The following GABARAPL1 variants were observed in gnomAD, a reference collection of about 807,000 sequenced individuals.
GABARAPL1 encodes GABA type A receptor associated protein like 1, also known as gamma-aminobutyric acid receptor-associated protein-like 1.
GABARAPL1 carries 4 observed loss-of-function variants against 14.5 expected under a neutral mutation model. The observed-to-expected ratio is 0.28, with a 90% CI of 0.14 to 0.63. The LOEUF is 0.63. Among genes scored for constraint, GABARAPL1 ranks in the 30% least tolerant of loss-of-function variants. The pLI, the probability that GABARAPL1 is intolerant of heterozygous loss-of-function variation, is 0.84. For missense variants in GABARAPL1, 82 were observed against 139.2 expected (o/e 0.59, Z 2.07); for synonymous variants, 47 against 50.6 (o/e 0.93, Z 0.30).
chr12:10,218,173 C>T (rs762565419), intron 2 of GABARAPL1, 32 bp downstream of exon 2: 7 of 1,307,858 alleles, frequency 5.4e-6, no homozygotes, highest in Non-Finnish European at 1.1e-6. Flanking sequence ...GACCCTTCCT[C>T]CGGTGAAAAA....
chr12:10,214,121 G>A (rs1643252218), intron 1 of GABARAPL1: 2 of 236,980 alleles, frequency 8.4e-6, no homozygotes, highest in African/African-American at 2.3e-5. Context: ...GTGGTAGGGG[G>A]ACCAGCAGCT....
intron 1 of GABARAPL1, chr12:10,213,792 G>T (rs769124234): frequency 1.8e-5 from 8 of 454,968 alleles, no homozygotes; most frequent in Non-Finnish European, 3.1e-5. Context: ...TGGAAAACAA[G>T]GTCACGTTCT....
chr12:10,221,928 A>G lies in GABARAPL1; in HGVS notation c.*76A>G. 1.5e-6 allele frequency: 2 copies of G among 1,355,448 alleles called. No individual in the cohort carries two copies. The highest frequency in any genetic ancestry group is 2.1e-6 in the Non-Finnish European group (2 of 949,990). The allele number at this position is 1,355,448 out of a possible 1,614,324, so 84.0% of individuals were successfully genotyped here. ...GGGTGTGTGTGCGCGACATGGGGAA[A>G]GAGGGTGGCTCCCACCGCAAGGAGA... On this transcript the variant is annotated 3_prime_UTR_variant, in exon 4 of 4. Coordinates refer to ENST00000266458, the MANE Select transcript of GABARAPL1 (RefSeq NM_031412.4).
At chr12:10,219,693 G>A (rs1385643905) in intron 2 of GABARAPL1, among the ~76,000 whole-genome samples, 2 of 152,082 alleles carry the variant, frequency 1.3e-5, no homozygotes, top group African/African-American at 4.8e-5. Flanking sequence ...CCAGCTACTC[G>A]GGAGGCTGAG....
intron 3 of GABARAPL1, 135 bp from the exon 4 acceptor site, chr12:10,221,652 C>A (rs1949120777): frequency 9.4e-7 from 1 of 1,060,590 alleles, no homozygotes; most frequent in African/African-American, 1.6e-5. Context: ...CCACTTCTCC[C>A]TATCCTTTGC....
At chr12:10,217,243 C>A (rs906500650) in intron 1 of GABARAPL1, among the ~76,000 whole-genome samples, 2 of 152,152 alleles carry the variant, frequency 1.3e-5, no homozygotes, top group African/African-American at 2.4e-5. Context: ...TATAGGATAT[C>A]ATTGTCAGAC....
chr12:10,217,838 A>T (rs1331776676), intron 1 of GABARAPL1, among the ~76,000 whole-genome samples: 1 of 152,118 alleles, frequency 6.6e-6, no homozygotes, highest in Non-Finnish European at 1.5e-5. Context: ...TTTTCATCAT[A>T]TACAATCTCT....
At chr12:10,221,664 C>A in intron 3 of GABARAPL1, 123 bp from the exon 4 acceptor site, 2 of 1,153,572 alleles carry the variant, frequency 1.7e-6, no homozygotes, top group Non-Finnish European at 1.2e-6. Context: ...ATCCTTTGCT[C>A]CTCTTTTAAA....
At chr12:10,220,822 T>C in intron 3 of GABARAPL1, 1 of 1,426,066 alleles carries the variant, frequency 7.0e-7, no homozygotes, top group Non-Finnish European at 9.1e-7. Context: ...AATGCTGGAC[T>C]GTTTATTGAA....
intron 1 of GABARAPL1, chr12:10,213,708 C>G (rs891443713): frequency 3.6e-5 from 13 of 359,408 alleles, no homozygotes; most frequent in Admixed American, 2.9e-4. Flanking sequence ...GGTCTTGGGA[C>G]GAAAAGGTTC....
At chr12:10,213,624 T>G (rs1592003127) in intron 1 of GABARAPL1, 1 of 342,118 alleles carries the variant, frequency 2.9e-6, no homozygotes, top group Non-Finnish European at 5.8e-6. Context: ...TGCGGTGAGG[T>G]TTGCGCAAAC....
chr12:10,215,313 G>A (rs1370297867), intron 1 of GABARAPL1, among the ~76,000 whole-genome samples: 2 of 152,176 alleles, frequency 1.3e-5, no homozygotes, highest in African/African-American at 2.4e-5. Flanking sequence ...CAGAGCCAGC[G>A]TTGAAAAGAA....
chr12:10,220,474 C>G lies in GABARAPL1; in HGVS notation c.204C>G (p.Ile68Met). Reference sequence around the variant, plus strand: ...TCTACTTCTTAATCCGGAAGAGAATCCACCTGAGACCTGAGGACGCCTTAT... The same window carrying G: ...TCTACTTCTTAATCCGGAAGAGAATGCACCTGAGACCTGAGGACGCCTTAT... ...GQFYFLIRKR[I>M]HLRPEDALFF... The change falls in exon 3 of 4, where the codon ATC (isoleucine) becomes ATG (methionine). Residue 68 changes from isoleucine (I) to methionine (M), a missense_variant. Physicochemically the swap from Ile to Met is conservative, Grantham distance 10 (BLOSUM62 1). Around this residue, in one of 3 missense-constraint regions of GABARAPL1, gnomAD observed 65 missense variants for 103.7 expected, o/e 0.63. Transcript: ENST00000266458. 6.2e-7 allele frequency: 1 copy of G among 1,613,222 alleles called. No individual in the cohort carries two copies. Among genetic ancestry groups the G allele is most frequent in the Non-Finnish European group, 8.5e-7 (1 of 1,179,956 alleles).
chr12:10,218,043 C>T lies in GABARAPL1; in HGVS notation c.91-20C>T, dbSNP rs758105220. On this transcript the variant is annotated intron_variant, in intron 1 of 3. Coordinates refer to ENST00000266458, the MANE Select transcript of GABARAPL1 (RefSeq NM_031412.4). ...TTGCCTTCTGTAGTTTTCATTCCTA[C>T]TCTCCTCCTCTTCTTCCAGGTGATT... 1 of 1,491,362 alleles carries T rather than the reference C, an allele frequency of 6.7e-7. No individual in the cohort carries two copies. Among genetic ancestry groups the T allele is most frequent in the East Asian group, 2.3e-5 (1 of 44,312 alleles). 92.4% of individuals were successfully genotyped at this position (1,491,362 alleles called of 1,614,324 possible).
intron 1 of GABARAPL1, among the ~76,000 whole-genome samples, chr12:10,217,574 A>G (rs1311187711): frequency 1.3e-5 from 2 of 152,192 alleles, no homozygotes; most frequent in Middle Eastern, 3.2e-3. Flanking sequence ...TCTCTTAAAA[A>G]TACAAATACT....
At chr12:10,215,825 G>A (rs1217860563) in intron 1 of GABARAPL1, among the ~76,000 whole-genome samples, 1 of 150,890 alleles carries the variant, frequency 6.6e-6, no homozygotes, top group Non-Finnish European at 1.5e-5. Flanking sequence ...TGTCCCTCTG[G>A]TCTTCCTGGT....
In GABARAPL1 at chr12:10,213,000, T is replaced by A; in HGVS notation, c.-130T>A. 1 of 563,122 alleles carries A rather than the reference T, an allele frequency of 1.8e-6. No individual in the cohort carries two copies. Among genetic ancestry groups the A allele is most frequent in the Non-Finnish European group, 3.4e-6 (1 of 295,728 alleles). The allele number at this position is 563,122 out of a possible 1,614,324, so 34.9% of individuals were successfully genotyped here. A position where few individuals can be genotyped will look rare whatever the true frequency, so the allele number is the denominator to read the frequency against. ...CCCCCCTGCACACTCGGCCCAGCGC[T>A]GTTGCCCCCGGAGCGGACGTTTCTG... On this transcript the variant is annotated 5_prime_UTR_variant, in exon 1 of 4. Coordinates refer to ENST00000266458, the MANE Select transcript of GABARAPL1 (RefSeq NM_031412.4).
Position 10,220,452 on chromosome 12 carries a change from A to C in GABARAPL1, c.182A>C (p.Tyr61Ser). 1 of 1,612,232 alleles carries C rather than the reference A, an allele frequency of 6.2e-7. No homozygotes were observed. Among genetic ancestry groups the C allele is most frequent in the African/African-American group, 1.3e-5 (1 of 74,914 alleles). The change falls in exon 3 of 4, where the codon TAC (tyrosine) becomes TCC (serine). Residue 61 changes from tyrosine to serine, a missense_variant. Physicochemically the swap from Tyr to Ser is moderately radical, Grantham distance 144. Transcript: ENST00000266458. ...VPSDLTVGQF[Y>S]FLIRKRIHLR... Reference sequence around the variant, plus strand: ...TTCCATCATCCAGTTGGCCAGTTCTACTTCTTAATCCGGAAGAGAATCCAC... The same window carrying C: ...TTCCATCATCCAGTTGGCCAGTTCTCCTTCTTAATCCGGAAGAGAATCCAC...
intron 1 of GABARAPL1, chr12:10,214,659 C>T (rs1030255363): frequency 3.9e-5 from 6 of 152,146 alleles, no homozygotes; most frequent in Non-Finnish European, 8.8e-5. Context: ...CACGATTACC[C>T]GTTCTACAGA....
Sources: allele counts gnomAD v4.1 joint callset (sites outside exome capture counted in the v4.1 genomes callset), GRCh38; gene constraint gnomAD v4.1.1; regional missense constraint gnomAD v4.1.1; transcripts MANE v1.5; gene names NCBI Gene and HGNC (gene_info 2026-07-23, HGNC 2026-07-21).